Variants in RGS6 observed in about 807,000 individuals in gnomAD.
RGS6 encodes the protein regulator of G protein signaling 6.
RGS6 carries 30 observed loss-of-function variants against 78.5 expected under a neutral mutation model. The ratio of observed to expected loss-of-function variants is 0.38; its 90% confidence interval spans 0.29 to 0.52. The LOEUF is 0.52. RGS6 is among the 20% of genes least tolerant of loss of function. RGS6 has a pLI of 0.85. For missense variants in RGS6, 495 were observed against 609.7 expected (o/e 0.81, Z 1.98); for synonymous variants, 206 against 206.0 (o/e 1.00, Z 0.00).
intron 3 of RGS6, among the ~76,000 whole-genome samples, chr14:72,375,602 C>G (rs140845839): frequency 0.016 from 2,498 of 152,304 alleles, 31 homozygotes; most frequent in Non-Finnish European, 0.026. Flanking sequence ...GGTCCCAACC[C>G]CAGTGAGCCA....
At chr14:72,365,536 G>A (rs2082297624) in intron 3 of RGS6, among the ~76,000 whole-genome samples, 1 of 152,142 alleles carries the variant, frequency 6.6e-6, no homozygotes, top group African/African-American at 2.4e-5. Context: ...AGAGATGGTA[G>A]GCATTTCTTG....
chr14:72,328,736 G>A (rs1007192467), intron 2 of RGS6, among the ~76,000 whole-genome samples: 4 of 152,146 alleles, frequency 2.6e-5, no homozygotes, highest in Non-Finnish European at 5.9e-5. Flanking sequence ...GGAACAAGAC[G>A]AAATGGGTGT....
intron 3 of RGS6, among the ~76,000 whole-genome samples, chr14:72,415,817 T>G (rs1040448942): frequency 6.6e-6 from 1 of 152,210 alleles, no homozygotes; most frequent in Non-Finnish European, 1.5e-5. Flanking sequence ...TTTATGTGCA[T>G]TCATTTGATT....
intron 2 of RGS6, among the ~76,000 whole-genome samples, chr14:72,075,712 C>T (rs1271868323): frequency 6.6e-6 from 1 of 152,168 alleles, no homozygotes; most frequent in Non-Finnish European, 1.5e-5. Flanking sequence ...TGTTCTCTCT[C>T]TATATTCATA....
chr14:72,183,099 T>G (rs952699445), intron 2 of RGS6, among the ~76,000 whole-genome samples: 1 of 152,254 alleles, frequency 6.6e-6, no homozygotes, highest in Non-Finnish European at 1.5e-5. Flanking sequence ...CTTTCAGATG[T>G]GCTATTAATT....
At chr14:72,000,799 G>A (rs58890880) in intron 2 of RGS6, among the ~76,000 whole-genome samples, 20,768 of 152,178 alleles carry the variant, frequency 0.14, 1,683 homozygotes, top group East Asian at 0.2. Context: ...ACATCTCAAG[G>A]TCATGGGCGA....
At chr14:72,206,773 C>T (rs1046494314) in intron 2 of RGS6, among the ~76,000 whole-genome samples, 1 of 152,104 alleles carries the variant, frequency 6.6e-6, no homozygotes, top group African/African-American at 2.4e-5. Flanking sequence ...CCACTGGGTT[C>T]CTCCCATGAC....
chr14:72,294,474 T>C (rs555341871), intron 2 of RGS6, among the ~76,000 whole-genome samples: 1 of 152,348 alleles, frequency 6.6e-6, no homozygotes, highest in African/African-American at 2.4e-5. Flanking sequence ...AAGTTTGTTC[T>C]GTCCAAAAAT....
intron 2 of RGS6, among the ~76,000 whole-genome samples, chr14:72,126,966 G>C (rs1598031209): frequency 6.6e-6 from 1 of 152,288 alleles, no homozygotes; most frequent in South Asian, 2.1e-4. Flanking sequence ...GGGAACTGGG[G>C]AGGCATGAGG....
At chr14:72,528,604 T>C (rs909163279) in intron 15 of RGS6, among the ~76,000 whole-genome samples, 5 of 151,848 alleles carry the variant, frequency 3.3e-5, no homozygotes, top group African/African-American at 1.2e-4. Flanking sequence ...AGCTTAGTCA[T>C]CTCTGTTGTA....
At chr14:72,392,860 C>T (rs139945115) in intron 3 of RGS6, among the ~76,000 whole-genome samples, 156 of 152,292 alleles carry the variant, frequency 1.0e-3, no homozygotes, top group Non-Finnish European at 1.5e-3. Context: ...CTCCACCCCA[C>T]ACACAAGTTG....
the RGS6 span, among the ~76,000 whole-genome samples, chr14:72,583,293 T>C: frequency 1.3e-5 from 2 of 152,252 alleles, no homozygotes; most frequent in African/African-American, 4.8e-5. Flanking sequence ...CATAATGGTA[T>C]AAGCCAATTC....
chr14:71,936,351 G>A (rs1041031675), intron 1 of RGS6, among the ~76,000 whole-genome samples: 7 of 151,970 alleles, frequency 4.6e-5, no homozygotes, highest in Admixed American at 4.6e-4. Context: ...TATATTCGCT[G>A]GAAGCTGATT....
intron 2 of RGS6, among the ~76,000 whole-genome samples, chr14:72,253,663 G>A (rs1167983195): frequency 6.6e-6 from 1 of 152,202 alleles, no homozygotes; most frequent in African/African-American, 2.4e-5. Context: ...GGCCAGTGAA[G>A]TTGGGTGTGG....
At chr14:72,482,959 A>G (rs1219522988) in intron 12 of RGS6, among the ~76,000 whole-genome samples, 1 of 152,202 alleles carries the variant, frequency 6.6e-6, no homozygotes, top group Non-Finnish European at 1.5e-5. Flanking sequence ...CCCGATAACA[A>G]TGAACCTTGA....
chr14:71,889,658 AG>A, the RGS6 span, among the ~76,000 whole-genome samples: 1 of 152,194 alleles, frequency 6.6e-6, no homozygotes, highest in Non-Finnish European at 1.5e-5. Context: ...AGAAAGGAAA[AG>A]CAAGAGGCTG....
At chr14:71,938,913 C>T (rs2090024423) in intron 1 of RGS6, among the ~76,000 whole-genome samples, 1 of 152,160 alleles carries the variant, frequency 6.6e-6, no homozygotes, top group Non-Finnish European at 1.5e-5. Context: ...TCCTAGAGTA[C>T]TCCACTGTGA....
chr14:72,273,723 T>G (rs968286808), intron 2 of RGS6, among the ~76,000 whole-genome samples: 7 of 152,202 alleles, frequency 4.6e-5, no homozygotes, highest in Admixed American at 2.0e-4. Context: ...TACCTAGGAA[T>G]TGTCATCTTT....
chr14:72,453,423 G>A lies in RGS6; in HGVS notation c.185-1105G>A, dbSNP rs1204556516. 7.3e-5 allele frequency among the ~76,000 whole-genome samples: 11 copies of A among 150,984 alleles called. No individual in the cohort carries two copies. In the South Asian group the frequency reaches 1.1e-3, roughly 15 times the overall value. Reference sequence around the variant, plus strand: ...GAGGTCAGGAGATCGAGACCATCCCGGCTAAAACGGTGAAACCCCGTCTCT... The same window carrying A: ...GAGGTCAGGAGATCGAGACCATCCCAGCTAAAACGGTGAAACCCCGTCTCT... On this transcript the variant is annotated intron_variant, in intron 3 of 17. Transcript: ENST00000553525.
Sources: allele counts gnomAD v4.1 joint callset (sites outside exome capture counted in the v4.1 genomes callset), GRCh38; gene constraint gnomAD v4.1.1; transcripts MANE v1.5; gene names NCBI Gene and HGNC (gene_info 2026-07-23, HGNC 2026-07-21).